Variants in DNAL1 observed in about 807,000 individuals in gnomAD.
DNAL1 encodes chromosome 14 open reading frame 168.
A neutral mutation model predicts 29.4 loss-of-function variants in DNAL1; 17 were observed. The observed-to-expected ratio is 0.58, with a 90% CI of 0.40 to 0.87. The LOEUF is 0.87. Ranked by LOEUF, DNAL1 falls within the 40% of genes least tolerant of loss-of-function variation. DNAL1 has a pLI of 0.00. For synonymous variants in DNAL1, 78 were observed against 76.3 expected (o/e 1.02, Z -0.12); for missense variants, 188 against 214.1 (o/e 0.88, Z 0.76).
chr14:73,652,878 ATTTTCT>A lies in DNAL1; in HGVS notation c.4-1964_4-1959del, dbSNP rs1891140255. On this transcript the variant is annotated intron_variant, in intron 1 of 7. Coordinates refer to ENST00000553645, the MANE Select transcript of DNAL1 (RefSeq NM_031427.4). ...ACTTTTTTTCTTTCATTATTTTATA[ATTTTCT>A]TTTTAACCCAAGGGTTGCTTATTAG... 2.0e-5 allele frequency among the ~76,000 whole-genome samples: 3 copies of A among 152,094 alleles called. No homozygotes were observed. In the South Asian group the frequency reaches 6.2e-4, roughly 32 times the overall value.
intron 7 of DNAL1, among the ~76,000 whole-genome samples, chr14:73,690,652 CAAAA>C (rs1256253887): frequency 1.0e-5 from 1 of 100,258 alleles, no homozygotes. Flanking sequence ...AACTCCGTCT[CAAAA>C]AAAAAAAAAA....
chr14:73,682,888 T>C (rs1891924761), intron 5 of DNAL1, among the ~76,000 whole-genome samples: 1 of 141,694 alleles, frequency 7.1e-6, no homozygotes, highest in African/African-American at 2.5e-5. Context: ...TTTTTTTTTT[T>C]TTTTTTAGTT....
At chr14:73,661,175 T>C (rs1039442810) in intron 3 of DNAL1, among the ~76,000 whole-genome samples, 2 of 151,156 alleles carry the variant, frequency 1.3e-5, no homozygotes, top group East Asian at 2.0e-4. Context: ...AAAAAAAATA[T>C]ATATATTGTT....
chr14:73,689,545 T>C, intron 7 of DNAL1, 30 bp downstream of exon 7: 1 of 1,578,484 alleles, frequency 6.3e-7, no homozygotes, highest in Non-Finnish European at 8.6e-7. Context: ...CTTAGACATA[T>C]CTTCTAGGCA....
At chr14:73,653,768 T>C (rs1360695794) in intron 1 of DNAL1, among the ~76,000 whole-genome samples, 1 of 152,198 alleles carries the variant, frequency 6.6e-6, no homozygotes, top group African/African-American at 2.4e-5. Context: ...TCTTTTGTTA[T>C]TCTTTGGGGT....
intron 7 of DNAL1, among the ~76,000 whole-genome samples, chr14:73,692,215 C>T (rs1892192675): frequency 6.6e-6 from 1 of 152,090 alleles, no homozygotes; most frequent in African/African-American, 2.4e-5. Flanking sequence ...GGTGTAGTGG[C>T]TCATGTGTGT....
intron 5 of DNAL1, among the ~76,000 whole-genome samples, chr14:73,677,772 T>G (rs1188217192): frequency 6.6e-6 from 1 of 150,874 alleles, no homozygotes; most frequent in Non-Finnish European, 1.5e-5. Flanking sequence ...TTAGCCAGGA[T>G]GGTCTCGATC....
In DNAL1 at chr14:73,698,006, T is replaced by C. The variant is rs192948772; in HGVS notation, c.*2064T>C. On this transcript the variant is annotated 3_prime_UTR_variant, in exon 8 of 8. Coordinates refer to ENST00000553645, the MANE Select transcript of DNAL1 (RefSeq NM_031427.4). Reference sequence around the variant, plus strand: ...TTCAGTAGGCAAGCTTGAAGCCATGTTGATATGGATATGTTTTCTAAAAGT... The same window carrying C: ...TTCAGTAGGCAAGCTTGAAGCCATGCTGATATGGATATGTTTTCTAAAAGT... The C allele has an allele frequency of 1.2e-4, 19 of 152,324 alleles. No individual in the cohort carries two copies. The highest frequency in any genetic ancestry group is 3.1e-4 in the African/African-American group (13 of 41,572). 9.4% of individuals were successfully genotyped at this position (152,324 alleles called of 1,614,324 possible).
intron 4 of DNAL1, among the ~76,000 whole-genome samples, chr14:73,666,144 A>G (rs1332881464): frequency 6.6e-6 from 1 of 152,192 alleles, no homozygotes; most frequent in Admixed American, 6.5e-5. Flanking sequence ...GTTATGCTTT[A>G]GCTTGCCTCC....
intron 3 of DNAL1, among the ~76,000 whole-genome samples, chr14:73,660,158 G>A (rs574841316): frequency 3.3e-5 from 5 of 152,206 alleles, no homozygotes; most frequent in African/African-American, 1.2e-4. Context: ...TCGAACTCCT[G>A]ACCTCAAGTG....
chr14:73,668,666 C>T (rs1460672840), intron 4 of DNAL1, among the ~76,000 whole-genome samples: 2 of 151,628 alleles, frequency 1.3e-5, no homozygotes, highest in South Asian at 2.1e-4. Flanking sequence ...TGTAGATGGC[C>T]GTCTTCTCCC....
At chr14:73,686,661 G>A (rs1397405810) in intron 5 of DNAL1, among the ~76,000 whole-genome samples, 1 of 152,198 alleles carries the variant, frequency 6.6e-6, no homozygotes, top group Non-Finnish European at 1.5e-5. Context: ...TTAGCTGTGA[G>A]TGTGACACTG....
chr14:73,675,638 C>A (rs901031050), intron 5 of DNAL1, among the ~76,000 whole-genome samples: 1 of 152,040 alleles, frequency 6.6e-6, no homozygotes, highest in African/African-American at 2.4e-5. Flanking sequence ...TTAGCATCTA[C>A]AATAGTGCTT....
intron 5 of DNAL1, among the ~76,000 whole-genome samples, chr14:73,679,621 T>G (rs1029162029): frequency 1.3e-5 from 2 of 152,182 alleles, no homozygotes; most frequent in African/African-American, 4.8e-5. Context: ...ACATTGAAAT[T>G]TAATGCAGTT....
chr14:73,687,765 C>T (rs944563030), intron 6 of DNAL1, among the ~76,000 whole-genome samples: 2 of 151,766 alleles, frequency 1.3e-5, no homozygotes, highest in South Asian at 2.1e-4. Context: ...CCCAGCTACT[C>T]GGGAGGCTGA....
At chr14:73,648,651 G>A (rs1891039308) in intron 1 of DNAL1, among the ~76,000 whole-genome samples, 1 of 150,170 alleles carries the variant, frequency 6.7e-6, no homozygotes, top group African/African-American at 2.4e-5. Context: ...CTGGACTCAG[G>A]CGATATGGCC....
chr14:73,677,071 C>T (rs938178683), intron 5 of DNAL1, among the ~76,000 whole-genome samples: 6 of 151,216 alleles, frequency 4.0e-5, no homozygotes, highest in Admixed American at 1.3e-4. Context: ...CCTGGGTTCA[C>T]GCCATTCTCC....
chr14:73,681,605 C>CAA (rs71112792), intron 5 of DNAL1, among the ~76,000 whole-genome samples: 26 of 52,852 alleles, frequency 4.9e-4, no homozygotes, highest in East Asian at 6.8e-4. Context: ...CCATCTCTAC[C>CAA]AAAAAAAAAA....
intron 1 of DNAL1, among the ~76,000 whole-genome samples, chr14:73,645,346 G>A (rs1890954844): frequency 6.6e-6 from 1 of 152,110 alleles, no homozygotes; most frequent in African/African-American, 2.4e-5. Context: ...AAGGGTGATG[G>A]GAAGGAGAGT....
Sources: gnomAD v4.1 joint callset for allele counts (sites outside exome capture counted in the v4.1 genomes callset) on GRCh38, gnomAD v4.1.1 for gene constraint, MANE v1.5 for transcripts, NCBI Gene and HGNC (gene_info 2026-07-23, HGNC 2026-07-21) for gene names.